Variants in SIPA1L1 observed in about 807,000 individuals in gnomAD.
The protein encoded by SIPA1L1 is signal induced proliferation associated 1 like 1.
In SIPA1L1, 26 loss-of-function variants were observed where a neutral mutation model predicts 162.7. The ratio of observed to expected loss-of-function variants is 0.16; its 90% confidence interval spans 0.12 to 0.22. The LOEUF (loss-of-function observed/expected upper bound fraction) is 0.22, where lower values mean the gene tolerates loss of function less well. SIPA1L1 is among the 10% of genes least tolerant of loss of function. SIPA1L1 has a pLI of 1.00. For missense variants in SIPA1L1, 1,874 were observed against 2,241.0 expected (o/e 0.84, Z 3.31); for synonymous variants, 829 against 837.4 (o/e 0.99, Z 0.17).
At chr14:71,352,764 G>A (rs1236095292) in intron 2 of SIPA1L1, among the ~76,000 whole-genome samples, 1 of 152,154 alleles carries the variant, frequency 6.6e-6, no homozygotes, top group Admixed American at 6.5e-5. Context: ...CATTCACTTT[G>A]GTAGATACTG....
In SIPA1L1 at chr14:71,465,189, A is replaced by T. The variant is rs138376980; in HGVS notation, c.-464-47554A>T. Among the ~76,000 whole-genome samples the T allele has an allele frequency of 3.9e-4, 59 of 152,364 alleles. No individual in the cohort carries two copies. In the East Asian group the frequency reaches 5.0e-3, roughly 13 times the overall value. ...CCATTCTTTTCCAATCAGTGCCCTG[A>T]CTGTAATGGTAGACACCTGATGAGG... On this transcript the variant is annotated intron_variant, in intron 2 of 23. Transcript: ENST00000381232.
At chr14:71,499,337 T>A (rs548155559) in intron 2 of SIPA1L1, among the ~76,000 whole-genome samples, 1 of 152,300 alleles carries the variant, frequency 6.6e-6, no homozygotes, top group Non-Finnish European at 1.5e-5. Context: ...AGTGAGACCC[T>A]GTCTCAAAAA....
chr14:71,710,807 CAAAA>C (rs570414143), intron 17 of SIPA1L1, among the ~76,000 whole-genome samples: 5 of 57,662 alleles, frequency 8.7e-5, no homozygotes, highest in Admixed American at 3.6e-4. Context: ...GATTCTGTCT[CAAAA>C]AAAAAAAAAA....
In SIPA1L1 at chr14:71,668,059, C is replaced by T. The variant is rs111801032; in HGVS notation, c.2256-3060C>T. On this transcript the variant is annotated intron_variant, in intron 10 of 23. Coordinates refer to ENST00000381232, the MANE Select transcript of SIPA1L1 (RefSeq NM_001386936.1). ...CAGCCTGGGCAACAGAGTGAGACTC[C>T]GTCTCAAAAAAAAAAAAAGTCTTTG... 4.6e-3 allele frequency among the ~76,000 whole-genome samples: 699 copies of T among 151,046 alleles called. 6 individuals are homozygous for T. Among genetic ancestry groups the T allele is most frequent in the African/African-American group, 0.016 (654 of 41,104 alleles).
chr14:71,620,374 T>C (rs1393098447), intron 6 of SIPA1L1, among the ~76,000 whole-genome samples: 1 of 152,232 alleles, frequency 6.6e-6, no homozygotes, highest in Non-Finnish European at 1.5e-5. Context: ...TGGCCGTTCC[T>C]ACCAGTTTTT....
At chr14:71,674,843 C>T (rs1053178071) in intron 12 of SIPA1L1, among the ~76,000 whole-genome samples, 3 of 151,620 alleles carry the variant, frequency 2.0e-5, no homozygotes, top group Admixed American at 6.5e-5. Flanking sequence ...GGATTACAGG[C>T]GTGAGCCACC....
At chr14:71,683,603 C>G (rs1489921280) in intron 12 of SIPA1L1, among the ~76,000 whole-genome samples, 1 of 152,100 alleles carries the variant, frequency 6.6e-6, no homozygotes, top group African/African-American at 2.4e-5. Flanking sequence ...AGTGTATTAC[C>G]TCTATGAACA....
chr14:71,401,493 A>G, intron 2 of SIPA1L1, among the ~76,000 whole-genome samples: 1 of 151,152 alleles, frequency 6.6e-6, no homozygotes, highest in East Asian at 1.9e-4. Context: ...CTGCAGTTAT[A>G]TTAAACTTTA....
At chr14:71,542,256 C>T (rs1269376084) in intron 4 of SIPA1L1, among the ~76,000 whole-genome samples, 3 of 150,542 alleles carry the variant, frequency 2.0e-5, no homozygotes, top group East Asian at 1.9e-4. Context: ...CCTCCTCCTC[C>T]TCTTCTTCTT....
chr14:71,341,171 G>A (rs2035612427), intron 2 of SIPA1L1, among the ~76,000 whole-genome samples: 1 of 152,164 alleles, frequency 6.6e-6, no homozygotes, highest in Non-Finnish European at 1.5e-5. Context: ...CTTTTAATAT[G>A]AATAGCTAGG....
chr14:71,634,413 A>G (rs1483364972), intron 7 of SIPA1L1, among the ~76,000 whole-genome samples: 1 of 151,658 alleles, frequency 6.6e-6, no homozygotes. Context: ...AAAAAAAAAA[A>G]AAAAACCCAC....
chr14:71,428,083 C>T (rs2043715284), intron 2 of SIPA1L1, among the ~76,000 whole-genome samples: 1 of 151,878 alleles, frequency 6.6e-6, no homozygotes, highest in African/African-American at 2.4e-5. Flanking sequence ...GCCTCCACCT[C>T]CCAGATTCAA....
intron 2 of SIPA1L1, among the ~76,000 whole-genome samples, chr14:71,403,330 T>G (rs1175642026): frequency 6.6e-6 from 1 of 152,170 alleles, no homozygotes; most frequent in African/African-American, 2.4e-5. Context: ...CCTGGCGCGG[T>G]GGCTCACGCC....
At chr14:71,735,627 CATA>C (rs1289790522) in intron 22 of SIPA1L1, 1 of 436,768 alleles carries the variant, frequency 2.3e-6, no homozygotes, top group Non-Finnish European at 4.1e-6. Context: ...TATTTAATGT[CATA>C]ATACATTTAT....
chr14:71,478,484 T>C (rs76506666), intron 2 of SIPA1L1, among the ~76,000 whole-genome samples: 2,292 of 152,322 alleles, frequency 0.015, 51 homozygotes, highest in African/African-American at 0.052. Flanking sequence ...AAAAGTTTTA[T>C]AGTTTTACAT....
chr14:71,468,001 G>C (rs1484609536), intron 2 of SIPA1L1, among the ~76,000 whole-genome samples: 2 of 139,912 alleles, frequency 1.4e-5, no homozygotes, highest in African/African-American at 5.2e-5. Flanking sequence ...AAAGCAGTTA[G>C]AGGGGTGTGT....
intron 7 of SIPA1L1, among the ~76,000 whole-genome samples, chr14:71,638,738 T>A (rs2041412241): frequency 6.6e-6 from 1 of 152,248 alleles, no homozygotes; most frequent in Non-Finnish European, 1.5e-5. Flanking sequence ...CATGCTGGTC[T>A]GTTTGCAAAA....
intron 2 of SIPA1L1, chr14:71,330,313 G>A: frequency 1.3e-6 from 1 of 772,300 alleles, no homozygotes; most frequent in Non-Finnish European, 2.4e-6. Flanking sequence ...GAGTCCACAT[G>A]AAGGGCTGTG....
At chr14:71,710,202 G>T in intron 17 of SIPA1L1, among the ~76,000 whole-genome samples, 1 of 152,162 alleles carries the variant, frequency 6.6e-6, no homozygotes, top group East Asian at 1.9e-4. Flanking sequence ...GAGAGTGGGG[G>T]ATGTCCAATA....
Sources: allele counts gnomAD v4.1 joint callset (sites outside exome capture counted in the v4.1 genomes callset), GRCh38; gene constraint gnomAD v4.1.1; transcripts MANE v1.5; gene names NCBI Gene and HGNC (gene_info 2026-07-23, HGNC 2026-07-21).